Variants in GLRX observed in about 807,000 individuals in gnomAD.
The protein encoded by GLRX is glutaredoxin, also known as glutaredoxin-1.
Under a neutral mutation model 11.1 loss-of-function variants are expected in GLRX, and 9 were observed. The ratio of observed to expected loss-of-function variants is 0.81; its 90% CI spans 0.49 to 1.42. The LOEUF (loss-of-function observed/expected upper bound fraction) is 1.42. Among genes scored for constraint, GLRX ranks in the 40% most tolerant of loss-of-function variants. The pLI, the probability that GLRX is intolerant of heterozygous loss-of-function variation, is 0.00. For missense variants in GLRX, 102 were observed against 126.2 expected, an observed-to-expected ratio of 0.81 and a Z score of 0.92; for synonymous variants, 49 against 49.5, an observed-to-expected ratio of 0.99 and a Z score of 0.04.
rs1275496323 is a variant in GLRX at position 95,814,088 on chromosome 5, C to T, written c.*308G>A. 6.6e-6 allele frequency: 1 copy of T among 152,224 alleles called. No homozygotes were observed. Among genetic ancestry groups the T allele is most frequent in the African/African-American group, 2.4e-5 (1 of 41,428 alleles). 9.4% of individuals were successfully genotyped at this position (152,224 alleles called of 1,614,324 possible). A position where few individuals can be genotyped will look rare whatever the true frequency, so the allele number is the denominator to read the frequency against. Reference sequence around the variant, plus strand: ...CAGGCAAACTTCATGATAAGGGATTCTTAAGTTTTCAAAGTGTAGGAGCTC... The same window carrying T: ...CAGGCAAACTTCATGATAAGGGATTTTTAAGTTTTCAAAGTGTAGGAGCTC... On this transcript the variant is annotated 3_prime_UTR_variant, in exon 3 of 3. Coordinates refer to ENST00000237858, the MANE Select transcript of GLRX (RefSeq NM_001118890.2).
chr5:95,815,521 C>T (rs1746959204), intron 2 of GLRX, among the ~76,000 whole-genome samples: 1 of 152,132 alleles, frequency 6.6e-6, no homozygotes, highest in Non-Finnish European at 1.5e-5. Context: ...CAATAGATAC[C>T]CCTCCAAGAA....
intron 1 of GLRX, among the ~76,000 whole-genome samples, chr5:95,821,393 A>T (rs1158957537): frequency 6.6e-6 from 1 of 152,068 alleles, no homozygotes; most frequent in Non-Finnish European, 1.5e-5. Flanking sequence ...ATACTCCAGG[A>T]CCTCAGCACA....
intron 1 of GLRX, among the ~76,000 whole-genome samples, chr5:95,819,897 C>CAA (rs35347478): frequency 0.098 from 5,244 of 53,504 alleles, 737 homozygotes; most frequent in African/African-American, 0.14. Flanking sequence ...GACTCCGTCT[C>CAA]AAAAAAAAAA....
chr5:95,815,203 C>T (rs1746945537), intron 2 of GLRX, among the ~76,000 whole-genome samples: 2 of 152,120 alleles, frequency 1.3e-5, no homozygotes, highest in African/African-American at 4.8e-5. Context: ...ATAACATTTC[C>T]CATCTTCTCT....
chr5:95,816,804 G>A (rs960442422), intron 1 of GLRX, 178 bp from the exon 2 acceptor site: 3 of 505,340 alleles, frequency 5.9e-6, no homozygotes, highest in Middle Eastern at 2.9e-4. Flanking sequence ...TTATTAACTC[G>A]AGAATGTTTT....
rs760247857 is a variant in GLRX, at chr5:95,816,505, A to C, written c.*6+2T>G. ...TGGCCCAGCACCTCACCTGCCACTC[A>C]CCTGTGGTTACTGCAGAGCTCCAAT... On this transcript the variant is annotated splice_donor_variant, in intron 2 of 2. Transcript: ENST00000237858. LOFTEE classifies it low-confidence loss of function (3UTR_SPLICE). 10 of 1,429,488 alleles carry C rather than the reference A, an allele frequency of 7.0e-6. No homozygotes were observed. In the East Asian group the frequency reaches 2.3e-4, roughly 32 times the overall value. The allele number at this position is 1,429,488 out of a possible 1,614,324, so 88.6% of individuals were successfully genotyped here.
At chr5:95,820,696 A>AC (rs1257937590) in intron 1 of GLRX, among the ~76,000 whole-genome samples, 1 of 151,706 alleles carries the variant, frequency 6.6e-6, no homozygotes, top group East Asian at 1.9e-4. Flanking sequence ...CATCTCAAAA[A>AC]AAAAAAAAAA....
intron 2 of GLRX, 91 bp downstream of exon 2, chr5:95,816,416 A>G (rs1746994038): frequency 4.4e-6 from 3 of 682,550 alleles, no homozygotes; most frequent in Admixed American, 2.3e-5. Context: ...TCTTCCCCCA[A>G]CCAGAATGCT....
At chr5:95,816,385 C>T in intron 2 of GLRX, 122 bp downstream of exon 2, 2 of 612,366 alleles carry the variant, frequency 3.3e-6, no homozygotes, top group Non-Finnish European at 6.0e-6. Context: ...ATCACCATTC[C>T]TCAACTCACC....
intron 1 of GLRX, among the ~76,000 whole-genome samples, chr5:95,820,797 C>T (rs747872151): frequency 6.6e-6 from 1 of 151,602 alleles, no homozygotes; most frequent in Non-Finnish European, 1.5e-5. Flanking sequence ...AATTGTGTTG[C>T]ACATTGGAAT....
intron 2 of GLRX, among the ~76,000 whole-genome samples, chr5:95,815,156 C>T (rs1051442382): frequency 6.6e-6 from 1 of 152,178 alleles, no homozygotes; most frequent in African/African-American, 2.4e-5. Flanking sequence ...ATATGGGGGA[C>T]TCTAATGCCC....
intron 1 of GLRX, 52 bp downstream of exon 1, chr5:95,822,403 AC>A: frequency 7.1e-7 from 1 of 1,410,118 alleles, no homozygotes; most frequent in Admixed American, 1.7e-5. Context: ...CACAGCTCTG[AC>A]AAGAAAAGGC....
chr5:95,820,977 A>G (rs543104295), intron 1 of GLRX, among the ~76,000 whole-genome samples: 14 of 152,116 alleles, frequency 9.2e-5, no homozygotes, highest in African/African-American at 2.9e-4. Context: ...TTAGCTGGGC[A>G]TGGTGGTGGG....
intron 1 of GLRX, chr5:95,822,114 C>T (rs1747260788): frequency 3.2e-6 from 1 of 310,346 alleles, no homozygotes; most frequent in Non-Finnish European, 6.1e-6. Flanking sequence ...ACCTCCAGCC[C>T]TGCCAACTGA....
intron 1 of GLRX, chr5:95,818,252 T>C (rs3777209): frequency 0.046 from 7,074 of 152,310 alleles, 177 homozygotes; most frequent in South Asian, 0.076. Context: ...TATCAGTGAA[T>C]GGTACCCCTA....
At chr5:95,816,758 C>A in intron 1 of GLRX, 132 bp from the exon 2 acceptor site, 2 of 604,714 alleles carry the variant, frequency 3.3e-6, no homozygotes, top group Non-Finnish European at 6.0e-6. Flanking sequence ...TATATGCTCA[C>A]AGGACAGGAC....
At chr5:95,817,669 C>T (rs1747056715) in intron 1 of GLRX, 1 of 152,192 alleles carries the variant, frequency 6.6e-6, no homozygotes, top group South Asian at 2.1e-4. Flanking sequence ...AGGAAATACC[C>T]TCAACGTGGC....
At chr5:95,818,040 C>T (rs1747073158) in intron 1 of GLRX, 1 of 152,160 alleles carries the variant, frequency 6.6e-6, no homozygotes, top group African/African-American at 2.4e-5. Flanking sequence ...CATGGCTATT[C>T]CCTGTGCTCT....
intron 2 of GLRX, among the ~76,000 whole-genome samples, chr5:95,815,979 G>A (rs1200686348): frequency 6.6e-6 from 1 of 151,896 alleles, no homozygotes; most frequent in African/African-American, 2.4e-5. Context: ...TCTGTTCCAC[G>A]AACATCCCTT....
Sources: gnomAD v4.1 joint callset for allele counts (sites outside exome capture counted in the v4.1 genomes callset) on GRCh38, gnomAD v4.1.1 for gene constraint, MANE v1.5 for transcripts, NCBI Gene and HGNC (gene_info 2026-07-23, HGNC 2026-07-21) for gene names.